HAUS6: variants seen among roughly 807,000 people sequenced by gnomAD.
HAUS6 encodes HAUS augmin like complex subunit 6.
HAUS6 carries 80 observed loss-of-function variants against 106.8 expected under a neutral mutation model. The observed-to-expected ratio is 0.75, with a 90% CI of 0.63 to 0.90. The LOEUF is 0.90. HAUS6 is among the 40% of genes least tolerant of loss of function. The pLI is 0.00. For synonymous variants in HAUS6, 356 were observed against 379.1 expected (o/e 0.94, Z 0.71); for missense variants, 1,155 against 1,118.1 (o/e 1.03, Z -0.47).
intron 12 of HAUS6, chr9:19,063,815 G>A: frequency 1.4e-6 from 1 of 692,856 alleles, no homozygotes; most frequent in Non-Finnish European, 2.7e-6. Context: ...ACCACATACT[G>A]AGTCAACAAT....
In HAUS6 at chr9:19,102,506, C is replaced by G; in HGVS notation, c.128+18G>C. 1.2e-6 allele frequency: 2 copies of G among 1,610,210 alleles called. No homozygotes were observed. Among genetic ancestry groups the G allele is most frequent in the Non-Finnish European group, 1.7e-6 (2 of 1,177,940 alleles). ...CCCGGTTCAGGCTCCCTCGCCCCGC[C>G]GGCCCCGGCCTCCTTACACTCCGAG... is the stretch of plus-strand genomic sequence containing the variant. On this transcript the variant is annotated intron_variant, in intron 1 of 16. Coordinates refer to ENST00000380502, the MANE Select transcript of HAUS6 (RefSeq NM_017645.5).
chr9:19,080,690 G>T lies in HAUS6; in HGVS notation c.871-18C>A. 1 of 1,497,550 alleles carries T rather than the reference G, an allele frequency of 6.7e-7. No homozygotes were observed. The highest frequency in any genetic ancestry group is 9.2e-7 in the Non-Finnish European group (1 of 1,088,948). 92.8% of individuals were successfully genotyped at this position (1,497,550 alleles called of 1,614,324 possible). Reference sequence around the variant, plus strand: ...ATGTGCAACTAAGGAATCAGGAGGAGAAAAAAATTGGTGAACTATAGGTTG... The same window carrying T: ...ATGTGCAACTAAGGAATCAGGAGGATAAAAAAATTGGTGAACTATAGGTTG... On this transcript the variant is annotated intron_variant, in intron 8 of 16. Coordinates refer to ENST00000380502, the MANE Select transcript of HAUS6 (RefSeq NM_017645.5).
chr9:19,089,276 G>A, intron 5 of HAUS6, 136 bp downstream of exon 5: 2 of 607,690 alleles, frequency 3.3e-6, no homozygotes, highest in South Asian at 2.1e-5. Context: ...AAAAGAAGAA[G>A]AAGTTATCTG....
intron 11 of HAUS6, among the ~76,000 whole-genome samples, chr9:19,075,418 T>C (rs1362118378): frequency 2.6e-5 from 4 of 152,316 alleles, no homozygotes; most frequent in Non-Finnish European, 5.9e-5. Context: ...TTTTTAAAAA[T>C]TGAACGCTGA....
At chr9:19,085,884 C>T (rs963103228) in intron 7 of HAUS6, among the ~76,000 whole-genome samples, 2 of 151,822 alleles carry the variant, frequency 1.3e-5, no homozygotes, top group Non-Finnish European at 2.9e-5. Flanking sequence ...GTCTAAAAAC[C>T]CTTTTGAATA....
At chr9:19,067,732 A>G (rs1431351370) in intron 12 of HAUS6, among the ~76,000 whole-genome samples, 1 of 152,178 alleles carries the variant, frequency 6.6e-6, no homozygotes, top group Non-Finnish European at 1.5e-5. Flanking sequence ...CTTGTTGTCC[A>G]GGCTGGAGTG....
chr9:19,102,592 C>G lies in HAUS6; in HGVS notation c.60G>C (p.Ala20=), dbSNP rs753124397. 6.2e-7 allele frequency: 1 copy of G among 1,613,848 alleles called. No individual in the cohort carries two copies. The highest frequency in any genetic ancestry group is 8.5e-7 in the Non-Finnish European group (1 of 1,179,890). The change falls in exon 1 of 17, where the codon GCG becomes GCC. Residue 20 remains alanine, a synonymous_variant. Coordinates refer to ENST00000380502, the MANE Select transcript of HAUS6 (RefSeq NM_017645.5). ...EKEHLWMYLQ[A]LGFEPGPATI... is the part of the protein sequence containing the mutation. ...TTGCCGGGCCTGGCTCGAAGCCGAG[C>G]GCCTGCAGATACATCCAGAGATGCT...
intron 1 of HAUS6, among the ~76,000 whole-genome samples, chr9:19,100,609 T>A (rs1205726217): frequency 6.6e-6 from 1 of 152,134 alleles, no homozygotes; most frequent in Non-Finnish European, 1.5e-5. Context: ...GATCAGTATA[T>A]GAAAGAGGCA....
Position 19,089,535 on chromosome 9 carries a change from GTC to G in HAUS6, c.459_460del (p.Glu153AspfsTer3). Reference sequence around the variant, plus strand: ...CAAGTCCTGTGGTTTTATGTTAAATGTCTCTACAAAATGATGAGAAGAATCTA... The same window carrying G: ...CAAGTCCTGTGGTTTTATGTTAAATGTCTACAAAATGATGAGAAGAATCTA... On this transcript the variant is annotated frameshift_variant, in exon 5 of 17. Transcript: ENST00000380502. LOFTEE classifies it high-confidence loss of function. 6 of 1,610,078 alleles carry G rather than the reference GTC, an allele frequency of 3.7e-6. No individual in the cohort carries two copies. The highest frequency in any genetic ancestry group is 5.1e-6 in the Non-Finnish European group (6 of 1,177,060).
intron 14 of HAUS6, among the ~76,000 whole-genome samples, chr9:19,060,970 T>C (rs1836602693): frequency 6.6e-6 from 1 of 152,170 alleles, no homozygotes; most frequent in African/African-American, 2.4e-5. Context: ...AAGACCAGCC[T>C]GACCAACAAC....
Position 19,084,939 on chromosome 9 carries a change from T to C in HAUS6, c.699+1795A>G, listed in dbSNP as rs1046792804. On this transcript the variant is annotated intron_variant, in intron 7 of 16. Transcript: ENST00000380502. ...ACTGTACCCCCGCCTCTTTTTTTTT[T>C]CTTTTTTAAGACGGGTCTCGCTCTG... Among the ~76,000 whole-genome samples, 11 of 152,024 alleles carry C rather than the reference T, an allele frequency of 7.2e-5. No homozygotes were observed. The South Asian group carries it at 8.3e-4, about 11-fold the overall frequency.
At chr9:19,101,794 C>T (rs1447081875) in intron 1 of HAUS6, among the ~76,000 whole-genome samples, 1 of 152,064 alleles carries the variant, frequency 6.6e-6, no homozygotes, top group Non-Finnish European at 1.5e-5. Flanking sequence ...GTGGCAAGTG[C>T]CTGTAATCCC....
chr9:19,064,062 G>C (rs1412897577), intron 12 of HAUS6, among the ~76,000 whole-genome samples: 1 of 151,360 alleles, frequency 6.6e-6, no homozygotes, highest in Non-Finnish European at 1.5e-5. Context: ...CCGCCTCCCA[G>C]GTTCAAGCGA....
intron 11 of HAUS6, among the ~76,000 whole-genome samples, chr9:19,075,011 A>T (rs1468055301): frequency 6.6e-6 from 1 of 152,228 alleles, no homozygotes; most frequent in Non-Finnish European, 1.5e-5. Flanking sequence ...AGATGAATGG[A>T]TAAACAAAAT....
At position 19,058,167 on chromosome 9, in the gene HAUS6, C is replaced by T. The variant is rs1290422613; in HGVS notation, c.2600G>A (p.Ser867Asn). Residue 867 changes from serine to asparagine, a missense_variant, in exon 16 of 17, where the codon AGC becomes AAC. Around this residue, in one of 3 missense-constraint regions of HAUS6, gnomAD observed 380 missense variants for 394.8 expected, o/e 0.96. Transcript: ENST00000380502. ...QTPERHKPEL[S>N]PTPQNVQTDD... ...TGTTTGTACATTTTGGGGAGTAGGG[C>T]TCAATTCTGGTTTGTGTCTTTCGGG... 6.2e-7 allele frequency: 1 copy of T among 1,613,728 alleles called. No homozygotes were observed. The highest frequency in any genetic ancestry group is 8.5e-7 in the Non-Finnish European group (1 of 1,179,824).
Position 19,063,070 on chromosome 9 carries a change from C to T in HAUS6, c.1567G>A (p.Gly523Arg), listed in dbSNP as rs1588597686. The T allele has an allele frequency of 6.2e-7, 1 of 1,611,368 alleles. No homozygotes were observed. The highest frequency in any genetic ancestry group is 2.2e-5 in the East Asian group (1 of 44,856). Residue 523 changes from glycine (G) to arginine (R), a missense_variant, in exon 14 of 17, where the codon GGG becomes AGG. This residue lies in a region of HAUS6 where 761 missense variants were observed against 690.0 expected (regional missense o/e 1.10). Coordinates refer to ENST00000380502, the MANE Select transcript of HAUS6 (RefSeq NM_017645.5). Reference sequence around the variant, plus strand: ...TCACTTTTTTTAGCTGGCAAAGACCCTCCAAATGCACTACTCTCTGTATTC... The same window carrying T: ...TCACTTTTTTTAGCTGGCAAAGACCTTCCAAATGCACTACTCTCTGTATTC... ...AKNTESSAFG[G>R]SLPAKKSDPF...
At chr9:19,094,234 G>T in intron 3 of HAUS6, 83 bp downstream of exon 3, 1 of 750,368 alleles carries the variant, frequency 1.3e-6, no homozygotes, top group Non-Finnish European at 2.3e-6. Context: ...AGCATTAAAA[G>T]GATTTCACCT....
At chr9:19,099,017 C>CAAAAAAA (rs377024544) in intron 1 of HAUS6, among the ~76,000 whole-genome samples, 10 of 90,606 alleles carry the variant, frequency 1.1e-4, no homozygotes, top group Admixed American at 2.4e-4. Flanking sequence ...AACTCCATCT[C>CAAAAAAA]AAAAAAAAAA....
At chr9:19,077,197 G>T (rs1240566710) in intron 10 of HAUS6, among the ~76,000 whole-genome samples, 1 of 152,162 alleles carries the variant, frequency 6.6e-6, no homozygotes, top group Non-Finnish European at 1.5e-5. Context: ...GGATTACTTA[G>T]TCCTTGAATT....
Sources: gnomAD v4.1 joint callset for allele counts (sites outside exome capture counted in the v4.1 genomes callset) on GRCh38, gnomAD v4.1.1 for gene constraint, gnomAD v4.1.1 regional missense constraint, MANE v1.5 for transcripts, NCBI Gene and HGNC (gene_info 2026-07-23, HGNC 2026-07-21) for gene names.